The following ANKAR variants were observed in gnomAD, a reference collection of about 807,000 sequenced individuals.
ANKAR encodes ankyrin and armadillo repeat-containing protein.
ANKAR carries 136 observed loss-of-function variants against 146.2 expected under a neutral mutation model. The observed-to-expected ratio is 0.93, with a 90% CI of 0.81 to 1.07. The LOEUF (loss-of-function observed/expected upper bound fraction) is 1.07, where lower values mean the gene tolerates loss of function less well. Ranked by LOEUF, ANKAR falls within the 50% of genes least tolerant of loss-of-function variation. ANKAR has a pLI of 0.00. For synonymous variants in ANKAR, 500 were observed against 575.8 expected, an observed-to-expected ratio of 0.87 and a Z score of 1.88; for missense variants, 1,567 against 1,679.9, an observed-to-expected ratio of 0.93 and a Z score of 1.18.
At chr2:189,722,367 T>C (rs1402673646) in intron 12 of ANKAR, among the ~76,000 whole-genome samples, 3 of 149,626 alleles carry the variant, frequency 2.0e-5, no homozygotes, top group Non-Finnish European at 3.0e-5. Context: ...AGAATAGCAT[T>C]AGAGAGGGTC....
chr2:189,734,460 A>G (rs1574706704), intron 17 of ANKAR, among the ~76,000 whole-genome samples: 1 of 152,044 alleles, frequency 6.6e-6, no homozygotes, highest in East Asian at 1.9e-4. Flanking sequence ...ACTGTTAATG[A>G]TTTTGTGGAC....
At chr2:189,762,744 T>C (rs926399861), downstream of ANKAR, 17 of 985,394 alleles carry the variant, frequency 1.7e-5, no homozygotes, top group South Asian at 5.6e-4. Flanking sequence ...GACTGTCGAC[T>C]GCCCTTATCG....
chr2:189,760,577 G>A (rs1031299833), intron 18 of ANKAR, among the ~76,000 whole-genome samples: 1 of 152,192 alleles, frequency 6.6e-6, no homozygotes, highest in Admixed American at 6.5e-5. Context: ...TGGATCAAGA[G>A]GTCAGGAGAT....
At chr2:189,742,966 ACACACACACACACACC>A (rs2043583652) in intron 20 of ANKAR, among the ~76,000 whole-genome samples, 1 of 122,242 alleles carries the variant, frequency 8.2e-6, no homozygotes, top group African/African-American at 2.9e-5. Flanking sequence ...ACACACACAC[ACACACACACACACACC>A]CCTGAAAGGA....
downstream of ANKAR, among the ~76,000 whole-genome samples, chr2:189,750,234 TG>T: frequency 6.6e-6 from 1 of 152,122 alleles, no homozygotes; most frequent in Non-Finnish European, 1.5e-5. Context: ...TTTGAGGAAG[TG>T]GGGGAAAGTC....
At chr2:189,695,247 G>A (rs1172318558) in intron 6 of ANKAR, 86 bp downstream of exon 6, 28 of 1,122,042 alleles carry the variant, frequency 2.5e-5, no homozygotes, top group Non-Finnish European at 3.2e-5. Flanking sequence ...TTATCCTAGG[G>A]ATAATAATAG....
At chr2:189,728,211 AT>A (rs2105830350) in intron 13 of ANKAR, 55 bp from the exon 14 acceptor site, 1 of 1,518,148 alleles carries the variant, frequency 6.6e-7, no homozygotes, top group Non-Finnish European at 8.8e-7. Flanking sequence ...TAAAATATGC[AT>A]TCCTAAAATG....
chr2:189,701,339 C>T (rs1018805728), intron 7 of ANKAR, among the ~76,000 whole-genome samples: 1 of 151,914 alleles, frequency 6.6e-6, no homozygotes, highest in Non-Finnish European at 1.5e-5. Flanking sequence ...CTCAAGTGAC[C>T]CTCTCACCTC....
chr2:189,740,412 A>G (rs2043216014), intron 19 of ANKAR, among the ~76,000 whole-genome samples: 1 of 152,382 alleles, frequency 6.6e-6, no homozygotes, highest in East Asian at 1.9e-4. Flanking sequence ...AGACAAAAAT[A>G]TAAGGAGAAC....
At chr2:189,727,300 G>T (rs1391782621) in intron 12 of ANKAR, among the ~76,000 whole-genome samples, 1 of 152,034 alleles carries the variant, frequency 6.6e-6, no homozygotes, top group Non-Finnish European at 1.5e-5. Context: ...ATTATGGAAG[G>T]CTAAGATGCT....
chr2:189,723,425 A>T (rs958180150), intron 12 of ANKAR, among the ~76,000 whole-genome samples: 4 of 152,178 alleles, frequency 2.6e-5, no homozygotes, highest in Non-Finnish European at 5.9e-5. Context: ...TGTTAATAAC[A>T]AAAGTTTATA....
At chr2:189,711,877 G>A (rs755728773) in intron 10 of ANKAR, among the ~76,000 whole-genome samples, 2 of 152,180 alleles carry the variant, frequency 1.3e-5, no homozygotes, top group Non-Finnish European at 2.9e-5. Flanking sequence ...TGAAAAAACG[G>A]GGCATTCATG....
chr2:189,738,503 G>C (rs190318919), intron 18 of ANKAR, 62 bp from the exon 19 acceptor site: 2 of 973,300 alleles, frequency 2.1e-6, no homozygotes, highest in Non-Finnish European at 3.1e-6. Flanking sequence ...AATGACAAAC[G>C]TGTAATTAGA....
intron 5 of ANKAR, among the ~76,000 whole-genome samples, chr2:189,693,450 A>C (rs1029896402): frequency 6.6e-6 from 1 of 152,220 alleles, no homozygotes; most frequent in Non-Finnish European, 1.5e-5. Flanking sequence ...GATGGGGATC[A>C]AATCCCAGCC....
chr2:189,676,908 G>GTC lies in ANKAR; in HGVS notation c.418_419insTC (p.Asp140ValfsTer9). The GTC allele has an allele frequency of 6.2e-7, 1 of 1,614,102 alleles. No individual in the cohort carries two copies. Among genetic ancestry groups the GTC allele is most frequent in the Non-Finnish European group, 8.5e-7 (1 of 1,180,010 alleles). On this transcript the variant is annotated frameshift_variant, in exon 2 of 23. Transcript: ENST00000684021. LOFTEE classifies it high-confidence loss of function. Reference sequence around the variant, plus strand: ...TTGTCAATTACCTCCAGCTTATTATGATACCAGAATTGGGCAAATTCTGAT... The same window carrying GTC: ...TTGTCAATTACCTCCAGCTTATTATGTCATACCAGAATTGGGCAAATTCTGAT...
chr2:189,715,367 C>A (rs2040310366), intron 10 of ANKAR, among the ~76,000 whole-genome samples: 2 of 152,138 alleles, frequency 1.3e-5, no homozygotes, highest in African/African-American at 2.4e-5. Flanking sequence ...TGGACACATA[C>A]AACCTCCCAA....
intron 16 of ANKAR, among the ~76,000 whole-genome samples, chr2:189,732,906 A>C (rs1219583599): frequency 2.6e-5 from 4 of 152,078 alleles, no homozygotes; most frequent in South Asian, 4.1e-4. Flanking sequence ...CACAGAAAGG[A>C]TATTTTCTCA....
intron 7 of ANKAR, 103 bp downstream of exon 7, chr2:189,696,472 C>T: frequency 2.7e-6 from 3 of 1,128,486 alleles, no homozygotes; most frequent in Non-Finnish European, 3.7e-6. Flanking sequence ...TTGGTATTAA[C>T]TAGAGCAAAG....
intron 17 of ANKAR, among the ~76,000 whole-genome samples, chr2:189,737,096 AAAAAG>A (rs1338219830): frequency 7.1e-6 from 1 of 140,428 alleles, no homozygotes; most frequent in East Asian, 2.1e-4. Context: ...AAAAAGAAAA[AAAAAG>A]AAAAGAAAAT....
Sources: allele counts gnomAD v4.1 joint callset (sites outside exome capture counted in the v4.1 genomes callset), GRCh38; gene constraint gnomAD v4.1.1; transcripts MANE v1.5; gene names NCBI Gene and HGNC (gene_info 2026-07-23, HGNC 2026-07-21).